HNRNPA2B1: variants seen among roughly 807,000 people sequenced by gnomAD.
HNRNPA2B1 encodes the protein heterogeneous nuclear ribonucleoprotein A2/B1.
HNRNPA2B1 carries 3 observed loss-of-function variants against 46.3 expected under a neutral mutation model. The observed-to-expected ratio is 0.06, with a 90% CI of 0.03 to 0.17. The LOEUF is 0.17. HNRNPA2B1 is among the 10% of genes least tolerant of loss of function. The pLI is 1.00. For missense variants in HNRNPA2B1, 221 were observed against 418.9 expected (o/e 0.53, Z 4.12); for synonymous variants, 225 against 133.8 (o/e 1.68, Z -4.70).
rs138786053 is a variant in HNRNPA2B1 at position 26,196,850 on chromosome 7, G to A, written c.432C>T (p.Gly144=). The A allele has an allele frequency of 6.2e-6, 10 of 1,613,874 alleles. No individual in the cohort carries two copies. Among genetic ancestry groups the A allele is most frequent in the East Asian group, 2.2e-5 (1 of 44,882 alleles). The change falls in exon 4 of 11, where the codon GGC becomes GGT. Residue 144 remains glycine (G), a synonymous_variant. Transcript: ENST00000618183. The part of the protein sequence containing the change: ...DRQSGKKRGF[G]FVTFDDHDPV... ...GATCATGGTCATCAAAAGTAACAAA[G>A]CCAAAGCCTCTTTTCTTTCCAGACT...
rs1250838172 is a variant in HNRNPA2B1, at chr7:26,195,834, G to A, written c.721+13C>T. On this transcript the variant is annotated intron_variant, in intron 7 of 10. Transcript: ENST00000618183. Reference sequence around the variant, plus strand: ...AGTCACATAAACAAACCAAAACGTAGAGGAAAACTGACCTCCAGGTCCTCC... The same window carrying A: ...AGTCACATAAACAAACCAAAACGTAAAGGAAAACTGACCTCCAGGTCCTCC... The A allele has an allele frequency of 3.1e-6, 5 of 1,608,726 alleles. No homozygotes were observed. The highest frequency in any genetic ancestry group is 1.7e-5 in the Admixed American group (1 of 58,470).
intron 1 of HNRNPA2B1, chr7:26,198,476 TAC>T (rs1783932750): frequency 6.6e-6 from 1 of 152,348 alleles, no homozygotes; most frequent in Admixed American, 6.5e-5. Context: ...TATATGACAA[TAC>T]AGAATATGAA....
rs1274729553 is a variant in HNRNPA2B1, at chr7:26,197,746, T to C, written c.7-14A>G. ...TTCCTTTTCTCTCTGCAAAGGAAAA[T>C]ACCATTTCAATTTTTATTTACATTT... On this transcript the variant is annotated splice_polypyrimidine_tract_variant and intron_variant, in intron 1 of 10. Transcript: ENST00000618183. 3 of 1,604,256 alleles carry C rather than the reference T, an allele frequency of 1.9e-6. No individual in the cohort carries two copies. The highest frequency in any genetic ancestry group is 1.1e-5 in the South Asian group (1 of 89,696).
intron 7 of HNRNPA2B1, 86 bp downstream of exon 7, chr7:26,195,760 TA>T: frequency 1.4e-6 from 2 of 1,449,866 alleles, no homozygotes; most frequent in South Asian, 2.6e-5. Context: ...ATAAAATGTT[TA>T]AAAACTCAAA....
At chr7:26,198,808 TTCAA>T (rs548013884) in intron 1 of HNRNPA2B1, 9 of 152,342 alleles carry the variant, frequency 5.9e-5, no homozygotes, top group South Asian at 4.1e-4. Context: ...ACACGTAATT[TTCAA>T]TCAATTATTT....
intron 1 of HNRNPA2B1, 45 bp downstream of exon 1, chr7:26,200,527 C>T (rs781287189): frequency 6.2e-7 from 1 of 1,608,438 alleles, no homozygotes; most frequent in Non-Finnish European, 8.5e-7. Flanking sequence ...CGCCAACGGC[C>T]TCGCCATGCC....
At position 26,197,618 on chromosome 7, in the gene HNRNPA2B1, A is replaced by C. The variant is rs41275982; in HGVS notation, c.117+4T>G. ...ATCCAGTAACAATTCAGTAATTTAC[A>C]TACCACACAGTCTGTAAGCTTTCCC... is the stretch of plus-strand genomic sequence containing the variant. On this transcript the variant is annotated splice_donor_region_variant and intron_variant, in intron 2 of 10. Transcript: ENST00000618183. 1.2e-6 allele frequency: 2 copies of C among 1,605,746 alleles called. No individual in the cohort carries two copies. The highest frequency in any genetic ancestry group is 3.3e-5 in the Admixed American group (2 of 59,794).
At position 26,191,484 on chromosome 7, in the gene HNRNPA2B1, C is replaced by A. The variant is rs1020014943; in HGVS notation, c.*876G>T. 2 of 152,136 alleles carry A rather than the reference C, an allele frequency of 1.3e-5. No homozygotes were observed. Among genetic ancestry groups the A allele is most frequent in the African/African-American group, 4.8e-5 (2 of 41,424 alleles). The allele number at this position is 152,136 out of a possible 1,614,324, so 9.4% of individuals were successfully genotyped here. A position where few individuals can be genotyped will look rare whatever the true frequency, so the allele number is the denominator to read the frequency against. On this transcript the variant is annotated 3_prime_UTR_variant, in exon 11 of 11. Transcript: ENST00000618183. ...CTACACCCTCAGCTTTCGTTGGCATCCTTATAAACTACTGTAGTTAAAGTT... is the reference window on the plus strand; with the variant it reads ...CTACACCCTCAGCTTTCGTTGGCATACTTATAAACTACTGTAGTTAAAGTT...
chr7:26,197,200 A>T, intron 3 of HNRNPA2B1, 115 bp downstream of exon 3: 1 of 1,312,694 alleles, frequency 7.6e-7, no homozygotes, highest in Non-Finnish European at 1.1e-6. Flanking sequence ...GAAACCCAAC[A>T]CACCTTTAAT....
intron 1 of HNRNPA2B1, 21 bp downstream of exon 1, chr7:26,200,551 C>A (rs1273957412): frequency 6.2e-7 from 1 of 1,612,852 alleles, no homozygotes; most frequent in Non-Finnish European, 8.5e-7. Flanking sequence ...TTCAATAACT[C>A]ATTGATTTCA....
Position 26,192,298 on chromosome 7 carries a change from T to C in HNRNPA2B1, c.*62A>G, listed in dbSNP as rs1342588325. On this transcript the variant is annotated 3_prime_UTR_variant, in exon 11 of 11. Transcript: ENST00000618183. The stretch of plus-strand genomic sequence containing the variant: ...TTTCGATAACCTGAAGCTGTTCTGT[T>C]ACCTCTGGGCTCTCATCCTCTCCTA... 1.9e-6 allele frequency: 1 copy of C among 538,032 alleles called. No homozygotes were observed. The highest frequency in any genetic ancestry group is 3.3e-6 in the Non-Finnish European group (1 of 302,064). 33.3% of individuals were successfully genotyped at this position (538,032 alleles called of 1,614,324 possible). A position where few individuals can be genotyped will look rare whatever the true frequency, so the allele number is the denominator to read the frequency against.
chr7:26,197,773 C>T (rs1476333163), intron 1 of HNRNPA2B1, 41 bp from the exon 2 acceptor site: 1 of 1,599,218 alleles, frequency 6.3e-7, no homozygotes, highest in Non-Finnish European at 8.6e-7. Flanking sequence ...TTTACATTTT[C>T]CTCTTTGTAT....
chr7:26,195,999 C>A, intron 6 of HNRNPA2B1, 90 bp from the exon 7 acceptor site: 1 of 1,484,104 alleles, frequency 6.7e-7, no homozygotes, highest in South Asian at 1.4e-5. Context: ...TACCTCAGCA[C>A]AATAATTAAG....
chr7:26,193,225 G>C (rs550604124), intron 9 of HNRNPA2B1, 26 bp downstream of exon 9: 3 of 1,601,476 alleles, frequency 1.9e-6, no homozygotes, highest in Admixed American at 3.5e-5. Context: ...ACAAAAATCT[G>C]AATAACCTCA....
intron 1 of HNRNPA2B1, chr7:26,199,316 T>A (rs1331383559): frequency 6.6e-6 from 1 of 152,568 alleles, no homozygotes; most frequent in Non-Finnish European, 1.5e-5. Context: ...TGCTTATCAA[T>A]GTAATGTTCA....
In HNRNPA2B1 at chr7:26,197,724, C is replaced by T. The variant is rs763726078; in HGVS notation, c.15G>A (p.Lys5=). Residue 5 remains lysine (K), a synonymous_variant, in exon 2 of 11, where the codon AAG becomes AAA. Coordinates refer to ENST00000618183, the MANE Select transcript of HNRNPA2B1 (RefSeq NM_002137.4). The part of the protein sequence containing the change: MERE[K]EQFRKLFIGG... ...CAATAAAGAGCTTACGGAACTGTTC[C>T]TTTTCTCTCTGCAAAGGAAAATACC... 6.2e-7 allele frequency: 1 copy of T among 1,612,456 alleles called. No individual in the cohort carries two copies. The highest frequency in any genetic ancestry group is 8.5e-7 in the Non-Finnish European group (1 of 1,179,176).
At chr7:26,199,239 G>T (rs1026211276) in intron 1 of HNRNPA2B1, 1 of 152,524 alleles carries the variant, frequency 6.6e-6, no homozygotes, top group Non-Finnish European at 1.5e-5. Flanking sequence ...TTTAAACAAT[G>T]TTATTTTATA....
chr7:26,196,002 T>C, intron 6 of HNRNPA2B1, 93 bp from the exon 7 acceptor site: 5 of 1,477,064 alleles, frequency 3.4e-6, no homozygotes, highest in Non-Finnish European at 4.5e-6. Flanking sequence ...CTCAGCACAA[T>C]AATTAAGAAC....
chr7:26,195,593 C>A (rs1470961326), intron 7 of HNRNPA2B1: 10 of 475,782 alleles, frequency 2.1e-5, no homozygotes, highest in Non-Finnish European at 1.9e-5. Context: ...TATCTAGATC[C>A]AATCATTTTG....
Sources: allele counts gnomAD v4.1 joint callset, GRCh38; gene constraint gnomAD v4.1.1; transcripts MANE v1.5; gene names NCBI Gene and HGNC (gene_info 2026-07-23, HGNC 2026-07-21).